The following CCDC7 variants were observed in gnomAD, a reference collection of about 807,000 sequenced individuals.
CCDC7 encodes the protein coiled-coil domain-containing protein 7.
In CCDC7, 183 loss-of-function variants were observed where a neutral mutation model predicts 196.9. The ratio of observed to expected loss-of-function variants is 0.93; its 90% CI spans 0.82 to 1.05. The LOEUF is 1.05. CCDC7 is among the 50% of genes least tolerant of loss of function. CCDC7 has a pLI of 0.00. For synonymous variants in CCDC7, 525 were observed against 484.6 expected, an observed-to-expected ratio of 1.08 and a Z score of -1.10; for missense variants, 1,540 against 1,482.2, an observed-to-expected ratio of 1.04 and a Z score of -0.64.
intron 11 of CCDC7, among the ~76,000 whole-genome samples, chr10:32,524,462 A>G (rs758746334): frequency 3.4e-4 from 52 of 152,150 alleles, no homozygotes; most frequent in Admixed American, 1.4e-3. Flanking sequence ...TGTGCTTACT[A>G]TTACCAGTGA....
intron 41 of CCDC7, among the ~76,000 whole-genome samples, chr10:32,856,837 C>T (rs1477622025): frequency 6.6e-6 from 1 of 152,140 alleles, no homozygotes; most frequent in East Asian, 1.9e-4. Flanking sequence ...CATGCCTGAT[C>T]CTGGGCCTGA....
At chr10:32,591,383 T>C (rs73255465) in intron 18 of CCDC7, among the ~76,000 whole-genome samples, 7,598 of 152,016 alleles carry the variant, frequency 0.05, 624 homozygotes, top group African/African-American at 0.17. Flanking sequence ...GAAAACTTAA[T>C]TCTAGAATTA....
At chr10:32,692,906 A>C (rs969292875) in intron 23 of CCDC7, among the ~76,000 whole-genome samples, 1 of 152,098 alleles carries the variant, frequency 6.6e-6, no homozygotes, top group East Asian at 1.9e-4. Context: ...GCTGTTTTCC[A>C]TTTTATGGAC....
At chr10:32,719,616 A>C (rs769549405) in intron 25 of CCDC7, among the ~76,000 whole-genome samples, 2 of 152,238 alleles carry the variant, frequency 1.3e-5, no homozygotes, top group Non-Finnish European at 2.9e-5. Flanking sequence ...TTTGCAATCT[A>C]TCCATCTGAC....
chr10:32,455,491 C>G (rs369404844), intron 2 of CCDC7, among the ~76,000 whole-genome samples: 1 of 151,582 alleles, frequency 6.6e-6, no homozygotes, highest in Non-Finnish European at 1.5e-5. Flanking sequence ...ATTTTTTTGT[C>G]TTTTTAGTAG....
At chr10:32,673,259 GC>G (rs1303288215) in intron 21 of CCDC7, among the ~76,000 whole-genome samples, 1 of 151,706 alleles carries the variant, frequency 6.6e-6, no homozygotes, top group African/African-American at 2.4e-5. Flanking sequence ...GCTCCAGATT[GC>G]TTTGACTATT....
intron 13 of CCDC7, among the ~76,000 whole-genome samples, chr10:32,558,694 T>C (rs112157410): frequency 0.053 from 8,076 of 152,308 alleles, 711 homozygotes; most frequent in African/African-American, 0.18. Context: ...GCAGCCAAGA[T>C]GGCCGAATAG....
intron 21 of CCDC7, 89 bp downstream of exon 22, chr10:32,664,250 A>C (rs1008431633): frequency 3.4e-4 from 127 of 376,386 alleles, no homozygotes; most frequent in Non-Finnish European, 2.8e-4. Flanking sequence ...ATCATGTACT[A>C]CATAGTGTTT....
chr10:32,562,705 C>A (rs1268391663), intron 13 of CCDC7, among the ~76,000 whole-genome samples: 2 of 150,678 alleles, frequency 1.3e-5, no homozygotes, highest in African/African-American at 2.5e-5. Context: ...ACTGAATGGG[C>A]AAAAACTGGA....
chr10:32,477,499 C>G (rs72795514), intron 8 of CCDC7, among the ~76,000 whole-genome samples: 58 of 152,224 alleles, frequency 3.8e-4, no homozygotes, highest in Non-Finnish European at 6.5e-4. Flanking sequence ...CTGCGCCCAG[C>G]CCATTTTGAG....
At chr10:32,483,587 T>A (rs2040407933) in intron 8 of CCDC7, among the ~76,000 whole-genome samples, 1 of 152,242 alleles carries the variant, frequency 6.6e-6, no homozygotes, top group Non-Finnish European at 1.5e-5. Flanking sequence ...ATGTCCTGAA[T>A]GGTATTGCCT....
At chr10:32,557,039 G>A (rs957032350) in intron 13 of CCDC7, among the ~76,000 whole-genome samples, 2 of 152,228 alleles carry the variant, frequency 1.3e-5, no homozygotes, top group Admixed American at 6.5e-5. Context: ...CCATTATCAC[G>A]TGCTTTTGTT....
At chr10:32,493,278 C>T (rs1311599154) in intron 9 of CCDC7, among the ~76,000 whole-genome samples, 1 of 151,906 alleles carries the variant, frequency 6.6e-6, no homozygotes, top group Non-Finnish European at 1.5e-5. Context: ...CTTTCTGTAC[C>T]TGACTTCTTA....
At chr10:32,474,412 T>C (rs1014176319) in intron 8 of CCDC7, among the ~76,000 whole-genome samples, 1 of 151,528 alleles carries the variant, frequency 6.6e-6, no homozygotes, top group Non-Finnish European at 1.5e-5. Flanking sequence ...TTTTTTCTTT[T>C]TTTTTTAGTA....
At chr10:32,460,849 C>T (rs184312430) in intron 3 of CCDC7, among the ~76,000 whole-genome samples, 40 of 152,182 alleles carry the variant, frequency 2.6e-4, no homozygotes, top group Non-Finnish European at 4.7e-4. Flanking sequence ...AGTAGGGTAG[C>T]GTGGGGCCTG....
chr10:32,609,497 C>G (rs1383281723), intron 18 of CCDC7, among the ~76,000 whole-genome samples: 1 of 152,066 alleles, frequency 6.6e-6, no homozygotes, highest in Non-Finnish European at 1.5e-5. Flanking sequence ...TTTCCATAGG[C>G]TACATATACT....
chr10:32,751,382 G>A (rs1302823589), intron 28 of CCDC7, among the ~76,000 whole-genome samples: 1 of 151,964 alleles, frequency 6.6e-6, no homozygotes, highest in East Asian at 1.9e-4. Context: ...TTAATGGCAT[G>A]GGATCCCAAA....
chr10:32,794,393 T>A (rs1397788683), intron 29 of CCDC7, among the ~76,000 whole-genome samples: 1 of 152,216 alleles, frequency 6.6e-6, no homozygotes, highest in African/African-American at 2.4e-5. Context: ...TTTGAGTGCA[T>A]GTGTCTTTTT....
At chr10:32,484,054 C>T (rs369430552) in intron 8 of CCDC7, among the ~76,000 whole-genome samples, 25 of 152,184 alleles carry the variant, frequency 1.6e-4, no homozygotes, top group South Asian at 8.3e-4. Context: ...TAGCTTGATG[C>T]GGATGGCATT....
Sources: gnomAD v4.1 joint callset for allele counts (sites outside exome capture counted in the v4.1 genomes callset) on GRCh38, gnomAD v4.1.1 for gene constraint, MANE v1.5 for transcripts, NCBI Gene and HGNC (gene_info 2026-07-23, HGNC 2026-07-21) for gene names.